The following TPPP variants were observed in gnomAD, a reference collection of about 807,000 sequenced individuals.
The protein encoded by TPPP is tubulin polymerization promoting protein, also known as tubulin polymerization-promoting protein.
TPPP carries 6 observed loss-of-function variants against 15.5 expected under a neutral mutation model. The observed-to-expected ratio is 0.39, with a 90% CI of 0.21 to 0.77. The LOEUF is 0.77. TPPP is among the 30% of genes least tolerant of loss of function. TPPP has a pLI of 0.42. For missense variants in TPPP, 269 were observed against 307.2 expected, an observed-to-expected ratio of 0.88 and a Z score of 0.93; for synonymous variants, 146 against 133.9, an observed-to-expected ratio of 1.09 and a Z score of -0.63.
chr5:673,584 G>A lies in TPPP; in HGVS notation c.311+4166C>T, dbSNP rs566845698. Among the ~76,000 whole-genome samples, 5 of 152,272 alleles carry A rather than the reference G, an allele frequency of 3.3e-5. No homozygotes were observed. In the South Asian group the frequency reaches 6.2e-4, roughly 19 times the overall value. On this transcript the variant is annotated intron_variant, in intron 2 of 3. Coordinates refer to ENST00000360578, the MANE Select transcript of TPPP (RefSeq NM_007030.3). ...GCCCACTCACGGTGCCCAGCCTGCC[G>A]ACCAGGCTGCCCAGGACCGGGTCTC...
Position 676,823 on chromosome 5 carries a change from CAT to C in TPPP, c.311+925_311+926del, listed in dbSNP as rs774509653. Among the ~76,000 whole-genome samples, 86 of 100,102 alleles carry C rather than the reference CAT, an allele frequency of 8.6e-4. No homozygotes were observed. In the African/African-American group the frequency reaches 0.012, roughly 14 times the overall value. The allele number at this position is 100,102 out of a possible 152,430, so 65.7% of individuals were successfully genotyped here. On this transcript the variant is annotated intron_variant, in intron 2 of 3. Coordinates refer to ENST00000360578, the MANE Select transcript of TPPP (RefSeq NM_007030.3). ...GTGCACATGCAGAAACACATGCACA[CAT>C]GCGCACACGTGCACACACGACACAG...
intron 2 of TPPP, among the ~76,000 whole-genome samples, chr5:671,336 G>C (rs1740216141): frequency 6.6e-6 from 1 of 152,130 alleles, no homozygotes. Context: ...TTGGGGCCCA[G>C]AGGGACCCCG....
intron 2 of TPPP, among the ~76,000 whole-genome samples, chr5:669,887 C>G (rs1740146240): frequency 6.6e-6 from 1 of 152,182 alleles, no homozygotes; most frequent in Non-Finnish European, 1.5e-5. Context: ...GGCTGCCCGG[C>G]TCTCCTGACA....
rs1739792507 is a variant in TPPP at position 663,972 on chromosome 5, TGGGTG to T, written c.*1125_*1129del. On this transcript the variant is annotated 3_prime_UTR_variant, in exon 4 of 4. Transcript: ENST00000360578. ...TGCAGACAGGCAAGGGCGGGCCGCCTGGGTGTGTCCTGGCAGTGTGGAGTGTCCTG... is the reference window on the plus strand; with the variant it reads ...TGCAGACAGGCAAGGGCGGGCCGCCTTGTCCTGGCAGTGTGGAGTGTCCTG... The T allele has an allele frequency of 6.6e-6, 1 of 152,584 alleles. No homozygotes were observed. Among genetic ancestry groups the T allele is most frequent in the Admixed American group, 6.5e-5 (1 of 15,290 alleles). 9.5% of individuals were successfully genotyped at this position (152,584 alleles called of 1,614,324 possible). A position where few individuals can be genotyped will look rare whatever the true frequency, so the allele number is the denominator to read the frequency against.
chr5:673,459 T>C (rs1580084779), intron 2 of TPPP, among the ~76,000 whole-genome samples: 1 of 150,720 alleles, frequency 6.6e-6, no homozygotes, highest in East Asian at 2.0e-4. Flanking sequence ...TGCAGGTGAA[T>C]GGGGAGGGGG....
At chr5:677,501 TGA>T (rs1740489251) in intron 2 of TPPP, among the ~76,000 whole-genome samples, 1 of 152,120 alleles carries the variant, frequency 6.6e-6, no homozygotes, top group African/African-American at 2.4e-5. Flanking sequence ...CCCACGGGGC[TGA>T]GAGGAGCCAG....
chr5:686,008 G>A (rs566136569), intron 1 of TPPP, among the ~76,000 whole-genome samples: 2 of 152,206 alleles, frequency 1.3e-5, no homozygotes, highest in Non-Finnish European at 2.9e-5. Flanking sequence ...GGTGCCAACA[G>A]GGCTCCCGGA....
At chr5:700,533 C>A in the TPPP span, among the ~76,000 whole-genome samples, 8 of 151,966 alleles carry the variant, frequency 5.3e-5, no homozygotes, top group Non-Finnish European at 1.0e-4. Flanking sequence ...CCAGATGTCA[C>A]CACTATGCAA....
intron 2 of TPPP, among the ~76,000 whole-genome samples, chr5:671,627 G>A (rs886415752): frequency 6.6e-6 from 1 of 152,186 alleles, no homozygotes. Context: ...GGCCTGCAGG[G>A]TACAGGAGCC....
At chr5:672,523 C>T (rs921716969) in intron 2 of TPPP, among the ~76,000 whole-genome samples, 1 of 152,270 alleles carries the variant, frequency 6.6e-6, no homozygotes, top group Non-Finnish European at 1.5e-5. Flanking sequence ...TGGGTGCCCC[C>T]ACCTGAGCTA....
At chr5:681,111 C>T (rs143839633) in intron 1 of TPPP, among the ~76,000 whole-genome samples, 4,423 of 152,302 alleles carry the variant, frequency 0.029, 239 homozygotes, top group African/African-American at 0.1. Context: ...CGCTCTCCAC[C>T]GAGCATGGCA....
intron 2 of TPPP, among the ~76,000 whole-genome samples, chr5:671,226 C>A (rs568853119): frequency 2.1e-5 from 3 of 143,220 alleles, no homozygotes; most frequent in African/African-American, 5.1e-5. Flanking sequence ...GCGTTGCTGC[C>A]GGCCTTTTCG....
rs958508986 is a variant in TPPP, at chr5:662,037, C to T, written c.*3065G>A. On this transcript the variant is annotated 3_prime_UTR_variant, in exon 4 of 4. Transcript: ENST00000360578. ...GACGGGCAGGGTGCCACAGCAGCCT[C>T]GATCTCATTCACGAAACCCACAGGC... 2.6e-5 allele frequency: 4 copies of T among 152,438 alleles called. No individual in the cohort carries two copies. Among genetic ancestry groups the T allele is most frequent in the Non-Finnish European group, 5.9e-5 (4 of 68,092 alleles). 9.4% of individuals were successfully genotyped at this position (152,438 alleles called of 1,614,324 possible).
rs529202440 is a variant in TPPP, at chr5:670,185, CT to C, written c.312-4063del. Among the ~76,000 whole-genome samples the C allele has an allele frequency of 3.3e-4, 51 of 152,296 alleles. No individual in the cohort carries two copies. The East Asian group carries it at 8.7e-3, about 26-fold the overall frequency. On this transcript the variant is annotated intron_variant, in intron 2 of 3. Coordinates refer to ENST00000360578, the MANE Select transcript of TPPP (RefSeq NM_007030.3). ...AGGACAGCCCTCCGAGGACTGAGGC[CT>C]GTTCCTCCGGGGCGGACGTCACAGG...
intron 1 of TPPP, among the ~76,000 whole-genome samples, chr5:688,524 A>C (rs1191018410): frequency 2.0e-5 from 3 of 152,120 alleles, no homozygotes; most frequent in African/African-American, 7.2e-5. Context: ...ACGGACGGTG[A>C]GTAAGACCCC....
chr5:672,805 A>C (rs1042364345), intron 2 of TPPP, among the ~76,000 whole-genome samples: 3 of 152,370 alleles, frequency 2.0e-5, no homozygotes, highest in Non-Finnish European at 4.4e-5. Context: ...CGCTCTTTGC[A>C]GGAGGGAGTC....
At position 677,945 on chromosome 5, in the gene TPPP, C is replaced by A. The variant is rs61731452; in HGVS notation, c.116G>T (p.Gly39Val). ...KRLSLESEGAGEGAAASPELS... is the reference protein window; with the variant it reads ...KRLSLESEGAVEGAAASPELS... Reference sequence around the variant, plus strand: ...CTCAGGGGATGCGGCTGCCCCCTCACCAGCACCCTCCGATTCCAGCGACAG... The same window carrying A: ...CTCAGGGGATGCGGCTGCCCCCTCAACAGCACCCTCCGATTCCAGCGACAG... The change falls in exon 2 of 4, where the codon GGT becomes GTT. Residue 39 changes from glycine (G) to valine (V), a missense_variant. By Grantham distance (109) the Gly-to-Val change is moderately radical. Transcript: ENST00000360578. 5 of 1,611,698 alleles carry A rather than the reference C, an allele frequency of 3.1e-6. No homozygotes were observed. In the African/African-American group the frequency reaches 6.7e-5, roughly 22 times the overall value.
intron 2 of TPPP, among the ~76,000 whole-genome samples, chr5:672,947 G>A (rs945367587): frequency 3.3e-5 from 5 of 152,204 alleles, no homozygotes; most frequent in African/African-American, 4.8e-5. Context: ...ACAAAGGCTC[G>A]CAGATACCCC....
rs1454163744 is a variant in TPPP, at chr5:663,810, C to T, written c.*1292G>A. On this transcript the variant is annotated 3_prime_UTR_variant, in exon 4 of 4. Transcript: ENST00000360578. ...GCTCATCCGCAGGTAGACTCCAGAA[C>T]CACGGCCCAGCAGGTCACACGTGTG... 6.6e-6 allele frequency: 1 copy of T among 152,388 alleles called. No individual in the cohort carries two copies. Among genetic ancestry groups the T allele is most frequent in the Non-Finnish European group, 1.5e-5 (1 of 68,124 alleles). The allele number at this position is 152,388 out of a possible 1,614,324, so 9.4% of individuals were successfully genotyped here. A position where few individuals can be genotyped will look rare whatever the true frequency, so the allele number is the denominator to read the frequency against.
Sources: gnomAD v4.1 joint callset for allele counts (sites outside exome capture counted in the v4.1 genomes callset) on GRCh38, gnomAD v4.1.1 for gene constraint, MANE v1.5 for transcripts, NCBI Gene and HGNC (gene_info 2026-07-23, HGNC 2026-07-21) for gene names.